COL6A1: variants seen among roughly 807,000 people sequenced by gnomAD.
COL6A1 encodes the protein collagen type VI alpha 1 chain, also known as collagen alpha-1(VI) chain.
In COL6A1, 80 loss-of-function variants were observed where a neutral mutation model predicts 145.6. That is an observed-to-expected ratio of 0.55 (90% CI 0.46 to 0.66). The LOEUF (loss-of-function observed/expected upper bound fraction) is 0.66. Ranked by LOEUF, COL6A1 falls within the 30% of genes least tolerant of loss-of-function variation. The pLI is 0.00. For missense variants in COL6A1, 1,364 were observed against 1,473.8 expected (o/e 0.93, Z 1.22); for synonymous variants, 638 against 622.8 (o/e 1.02, Z -0.36).
At position 46,004,104 on chromosome 21, in the gene COL6A1, C is replaced by G. The variant is rs2077866902; in HGVS notation, c.*91C>G. 1 of 1,519,064 alleles carries G rather than the reference C, an allele frequency of 6.6e-7. No individual in the cohort carries two copies. The highest frequency in any genetic ancestry group is 1.4e-5 in the African/African-American group (1 of 72,772). 94.1% of individuals were successfully genotyped at this position (1,519,064 alleles called of 1,614,324 possible). ...AAAATGTGATGCGAATTTTCCCGAC[C>G]AACCTGATTCGCTAGATTTTTTTTA... On this transcript the variant is annotated 3_prime_UTR_variant, in exon 35 of 35. Transcript: ENST00000361866.
At chr21:45,982,516 C>A (rs1227713361) in intron 1 of COL6A1, 118 bp from the exon 2 acceptor site, 4 of 1,451,898 alleles carry the variant, frequency 2.8e-6, no homozygotes, top group Non-Finnish European at 2.8e-6. Flanking sequence ...CCCGGGAGAG[C>A]CTCTCCGGGC....
chr21:45,992,095 C>G, intron 16 of COL6A1, 23 bp downstream of exon 16: 1 of 1,613,404 alleles, frequency 6.2e-7, no homozygotes, highest in Non-Finnish European at 8.5e-7. Context: ...ACAGCCCCCA[C>G]ACATGCCAGG....
At chr21:45,987,197 C>G in intron 6 of COL6A1, 22 bp downstream of exon 6, 4 of 1,591,356 alleles carry the variant, frequency 2.5e-6, no homozygotes, top group Non-Finnish European at 3.4e-6. Context: ...CCCCACCACC[C>G]CCAGCCGTGA....
chr21:45,985,347 CAG>C (rs1298543060), intron 3 of COL6A1, among the ~76,000 whole-genome samples: 2 of 150,700 alleles, frequency 1.3e-5, no homozygotes, highest in African/African-American at 2.5e-5. Flanking sequence ...GAGACAAAGA[CAG>C]AGGCAGAGAG....
rs2077759655 is a variant in COL6A1, at chr21:45,989,150, C to CT, written c.858+14dup. The stretch of plus-strand genomic sequence containing the variant: ...AGCCGGAGATCCTGTGAGTGCCTGA[C>CT]TGTGGGGTGGGGGCCCTAAGAAGCT... On this transcript the variant is annotated intron_variant, in intron 9 of 34. Coordinates refer to ENST00000361866, the MANE Select transcript of COL6A1 (RefSeq NM_001848.3). The CT allele has an allele frequency of 6.3e-7, 1 of 1,593,662 alleles. No homozygotes were observed. The highest frequency in any genetic ancestry group is 8.5e-7 in the Non-Finnish European group (1 of 1,172,698).
chr21:45,985,091 CAG>C (rs906586625), intron 3 of COL6A1, among the ~76,000 whole-genome samples: 6 of 148,430 alleles, frequency 4.0e-5, no homozygotes, highest in East Asian at 2.0e-4. Flanking sequence ...GAAACAGAGA[CAG>C]AGAGACAGAG....
At chr21:45,998,678 G>A (rs532820132) in intron 24 of COL6A1, among the ~76,000 whole-genome samples, 181 of 152,320 alleles carry the variant, frequency 1.2e-3, no homozygotes, top group Non-Finnish European at 1.9e-3. Context: ...CCCGGTGACC[G>A]ATCTCCCCTC....
intron 6 of COL6A1, 23 bp from the exon 7 acceptor site, chr21:45,987,476 G>A (rs753305527): frequency 1.2e-5 from 20 of 1,612,836 alleles, no homozygotes; most frequent in African/African-American, 4.0e-5. Flanking sequence ...CCACTGACTC[G>A]TCTCCATGCT....
intron 23 of COL6A1, 22 bp downstream of exon 23, chr21:45,998,193 C>T (rs1407890635): frequency 6.2e-7 from 1 of 1,610,588 alleles, no homozygotes; most frequent in African/African-American, 1.3e-5. Flanking sequence ...GAGGCTGAGC[C>T]CACAGGAACA....
Position 45,990,843 on chromosome 21 carries a change from C to T in COL6A1, c.1056+17C>T, listed in dbSNP as rs776360192. 1 of 1,613,160 alleles carries T rather than the reference C, an allele frequency of 6.2e-7. No individual in the cohort carries two copies. Among genetic ancestry groups the T allele is most frequent in the Non-Finnish European group, 8.5e-7 (1 of 1,179,808 alleles). On this transcript the variant is annotated intron_variant, in intron 14 of 34. Transcript: ENST00000361866. ...GGGTTTGACGTAAGTCACTTCCTCT[C>T]ACTGATACTTTAAAACTAGCGCTGT...
chr21:45,993,205 A>T (rs2123475931), intron 19 of COL6A1, among the ~76,000 whole-genome samples: 1 of 151,972 alleles, frequency 6.6e-6, no homozygotes, highest in South Asian at 2.1e-4. Context: ...GACATGGAAA[A>T]CTCACCCCAG....
In COL6A1 at chr21:46,003,146, C is replaced by T. The variant is rs374574032; in HGVS notation, c.2461C>T (p.Pro821Ser). The T allele has an allele frequency of 1.2e-6, 2 of 1,614,082 alleles. No individual in the cohort carries two copies. The highest frequency in any genetic ancestry group is 1.7e-6 in the Non-Finnish European group (2 of 1,179,982). ...CAAGAAGTGTCCAGATTACACCTGC[C>T]CCAGTGAGTACCTCGGCGGCCGGGA... ...IDKKCPDYTCPITFSSPADIT... is the reference protein window; with the variant it reads ...IDKKCPDYTCSITFSSPADIT... Residue 821 changes from proline to serine, a missense_variant, in exon 34 of 35, where the codon CCC becomes TCC. Transcript: ENST00000361866.
In COL6A1 at chr21:46,003,938, C is replaced by A; in HGVS notation, c.3012C>A (p.Phe1004Leu). 1 of 1,611,754 alleles carries A rather than the reference C, an allele frequency of 6.2e-7. No homozygotes were observed. The highest frequency in any genetic ancestry group is 8.5e-7 in the Non-Finnish European group (1 of 1,179,152). Residue 1004 changes from phenylalanine (F) to leucine (L), a missense_variant, in exon 35 of 35, where the codon TTC (phenylalanine) becomes TTA (leucine). Phe to Leu is a conservative substitution (Grantham distance 22). Coordinates refer to ENST00000361866, the MANE Select transcript of COL6A1 (RefSeq NM_001848.3). ...TGGCCTACGGCGAGAGCCACCTGTT[C>A]CGTGTCCCCAGCTACCAGGCCCTGC... is the stretch of plus-strand genomic sequence containing the variant. ...YDVAYGESHL[F>L]RVPSYQALLR...
chr21:45,985,648 C>A (rs1218568203), intron 3 of COL6A1, among the ~76,000 whole-genome samples: 1 of 152,248 alleles, frequency 6.6e-6, no homozygotes, highest in Non-Finnish European at 1.5e-5. Context: ...GTGGCCTCCC[C>A]ACACCCAGCC....
intron 20 of COL6A1, among the ~76,000 whole-genome samples, chr21:45,995,234 A>C (rs1016572924): frequency 2.6e-5 from 4 of 152,362 alleles, no homozygotes; most frequent in African/African-American, 9.6e-5. Context: ...CGCTCACGGC[A>C]GGGGCAGAAA....
chr21:46,000,795 G>C (rs13053052), intron 29 of COL6A1, 28 bp downstream of exon 29: 6 of 1,613,610 alleles, frequency 3.7e-6, no homozygotes, highest in Non-Finnish European at 5.1e-6. Flanking sequence ...GCTCCTGAGA[G>C]AATGGATCCC....
In COL6A1 at chr21:45,987,152, C is replaced by A; in HGVS notation, c.718-3C>A. ...AATTCTGCGTTTCCATTTCTCTTTC[C>A]AGAAAAATAACGTGGAGCAAGTGGT... On this transcript the variant is annotated splice_polypyrimidine_tract_variant and splice_region_variant and intron_variant, in intron 5 of 34. Transcript: ENST00000361866. 1 of 1,598,754 alleles carries A rather than the reference C, an allele frequency of 6.3e-7. No homozygotes were observed. Among genetic ancestry groups the A allele is most frequent in the Admixed American group, 1.7e-5 (1 of 58,760 alleles).
Position 45,998,186 on chromosome 21 carries a change from G to A in COL6A1, c.1575+15G>A. On this transcript the variant is annotated intron_variant, in intron 23 of 34. Coordinates refer to ENST00000361866, the MANE Select transcript of COL6A1 (RefSeq NM_001848.3). ...CCGGCTTCCCCGTAAGTGTCCGGAG[G>A]CTGAGCCCACAGGAACATGCCCAAG... The A allele has an allele frequency of 2.5e-6, 4 of 1,611,230 alleles. No homozygotes were observed. The highest frequency in any genetic ancestry group is 3.4e-6 in the Non-Finnish European group (4 of 1,179,342).
At chr21:45,998,262 T>C in intron 23 of COL6A1, 91 bp downstream of exon 23, 1 of 1,579,474 alleles carries the variant, frequency 6.3e-7, no homozygotes, top group Non-Finnish European at 8.6e-7. Flanking sequence ...GTGGGCGGGC[T>C]GGCCCCAGGA....
Sources: allele counts gnomAD v4.1 joint callset (sites outside exome capture counted in the v4.1 genomes callset), GRCh38; gene constraint gnomAD v4.1.1; transcripts MANE v1.5; gene names NCBI Gene and HGNC (gene_info 2026-07-23, HGNC 2026-07-21).